HEMK2: variants seen among roughly 807,000 people sequenced by gnomAD.
HEMK2 encodes HemK methyltransferase 2, ETF1 glutamine and histone H4 lysine, also known as methyltransferase HEMK2.
At chr21:28,866,175 A>AACAAAAAAAC in the HEMK2 span, among the ~76,000 whole-genome samples, 269 of 76,214 alleles carry the variant, frequency 3.5e-3, 20 homozygotes, top group African/African-American at 0.013. Flanking sequence ...CAAAAAAAAA[A>AACAAAAAAAC]ACACACACAC....
At chr21:28,583,885 C>T in the HEMK2 span, among the ~76,000 whole-genome samples, 15 of 152,190 alleles carry the variant, frequency 9.9e-5, no homozygotes, top group Non-Finnish European at 2.9e-5. Context: ...TATAACTTTA[C>T]TATTTCAGGA....
At chr21:28,583,451 C>T in the HEMK2 span, among the ~76,000 whole-genome samples, 1 of 152,174 alleles carries the variant, frequency 6.6e-6, no homozygotes, top group East Asian at 1.9e-4. Context: ...TCCTCCCTGC[C>T]CTCTGGTCAC....
At chr21:28,745,038 C>T in the HEMK2 span, among the ~76,000 whole-genome samples, 2 of 152,202 alleles carry the variant, frequency 1.3e-5, no homozygotes, top group East Asian at 1.9e-4. Context: ...AGACAATAAC[C>T]GAAGTATACA....
the HEMK2 span, among the ~76,000 whole-genome samples, chr21:28,856,878 T>A: frequency 1.3e-5 from 2 of 152,258 alleles, no homozygotes; most frequent in African/African-American, 4.8e-5. Context: ...TGCTCAGGCA[T>A]GCATGGAGAC....
the HEMK2 span, among the ~76,000 whole-genome samples, chr21:28,756,200 T>C: frequency 1.3e-5 from 2 of 152,206 alleles, no homozygotes; most frequent in African/African-American, 4.8e-5. Flanking sequence ...ACTGTGCATC[T>C]GTCTACCCTG....
the HEMK2 span, among the ~76,000 whole-genome samples, chr21:28,713,096 A>G: frequency 6.6e-6 from 1 of 152,308 alleles, no homozygotes; most frequent in African/African-American, 2.4e-5. Context: ...AATGAATGGC[A>G]TCACCACAGG....
chr21:28,647,253 AGGTG>A, the HEMK2 span, among the ~76,000 whole-genome samples: 7 of 132,742 alleles, frequency 5.3e-5, no homozygotes, highest in Non-Finnish European at 1.1e-4. Context: ...TGGGAGGCTG[AGGTG>A]GGCTGATCAC....
the HEMK2 span, among the ~76,000 whole-genome samples, chr21:28,849,943 A>T: frequency 6.6e-6 from 1 of 152,182 alleles, no homozygotes; most frequent in Non-Finnish European, 1.5e-5. Context: ...AACATATTTG[A>T]GGATATCATC....
the HEMK2 span, among the ~76,000 whole-genome samples, chr21:28,863,293 C>T: frequency 0.032 from 4,857 of 150,864 alleles, 88 homozygotes; most frequent in South Asian, 0.038. Context: ...CCCGTGAACG[C>T]GGGACTCCTA....
the HEMK2 span, among the ~76,000 whole-genome samples, chr21:28,764,229 G>C: frequency 6.6e-6 from 1 of 152,096 alleles, no homozygotes; most frequent in Non-Finnish European, 1.5e-5. Context: ...CCAGCAGGTA[G>C]TCTAATATCC....
the HEMK2 span, among the ~76,000 whole-genome samples, chr21:28,596,501 T>C: frequency 6.6e-6 from 1 of 152,210 alleles, no homozygotes; most frequent in Non-Finnish European, 1.5e-5. Context: ...ATGATATGTA[T>C]TGTTACATAT....
At chr21:28,701,545 GCC>G in the HEMK2 span, among the ~76,000 whole-genome samples, 942 of 123,432 alleles carry the variant, frequency 7.6e-3, 6 homozygotes, top group African/African-American at 0.031. Context: ...ATTCACAATA[GCC>G]ACACACACAC....
At chr21:28,605,625 G>A in the HEMK2 span, among the ~76,000 whole-genome samples, 1 of 152,190 alleles carries the variant, frequency 6.6e-6, no homozygotes, top group East Asian at 1.9e-4. Context: ...TGAATGGCCA[G>A]TCCAAATTTC....
chr21:28,659,315 C>T, the HEMK2 span, among the ~76,000 whole-genome samples: 7 of 152,104 alleles, frequency 4.6e-5, no homozygotes, highest in African/African-American at 1.7e-4. Context: ...AAGATACCTT[C>T]TAATTAACCT....
the HEMK2 span, among the ~76,000 whole-genome samples, chr21:28,723,293 G>C: frequency 6.6e-6 from 1 of 152,130 alleles, no homozygotes; most frequent in South Asian, 2.1e-4. Context: ...TGGGATTACA[G>C]GCATGAGACA....
At chr21:28,841,254 T>TTATATTATAATATATTATATATAA in the HEMK2 span, among the ~76,000 whole-genome samples, 34 of 5,142 alleles carry the variant, frequency 6.6e-3, 1 homozygote, top group East Asian at 0.077. Flanking sequence ...ATATAATATA[T>TTATATTATAATATATTATATATAA]TATATATAAT....
chr21:28,674,997 G>A, the HEMK2 span: 2 of 152,138 alleles, frequency 1.3e-5, no homozygotes, highest in Non-Finnish European at 2.9e-5. Context: ...TATGAATTCT[G>A]GGGGCACATC....
At chr21:28,726,330 A>T in the HEMK2 span, among the ~76,000 whole-genome samples, 5 of 152,058 alleles carry the variant, frequency 3.3e-5, no homozygotes, top group African/African-American at 1.2e-4. Context: ...TAAACTTAAA[A>T]ATTTAAATTT....
chr21:28,767,057 C>T, the HEMK2 span, among the ~76,000 whole-genome samples: 1 of 151,932 alleles, frequency 6.6e-6, no homozygotes, highest in South Asian at 2.1e-4. Flanking sequence ...GTCATGGGGC[C>T]AGGTCTTTCC....
Sources: gnomAD v4.1 joint callset for allele counts (sites outside exome capture counted in the v4.1 genomes callset) on GRCh38, gnomAD v4.1.1 for gene constraint, MANE v1.5 for transcripts, NCBI Gene and HGNC (gene_info 2026-07-23, HGNC 2026-07-21) for gene names.